Variants in ELP4 observed in about 807,000 individuals in gnomAD.
The protein encoded by ELP4 is elongator complex protein 4.
Under a neutral mutation model 48.9 loss-of-function variants are expected in ELP4, and 51 were observed. The observed-to-expected ratio is 1.04, with a 90% CI of 0.83 to 1.32. The LOEUF is 1.32. Ranked by LOEUF, ELP4 falls within the 40% of genes most tolerant of loss-of-function variation. The pLI is 0.00. For missense variants in ELP4, 519 were observed against 514.6 expected (o/e 1.01, Z -0.08); for synonymous variants, 210 against 189.2 (o/e 1.11, Z -0.90).
At chr11:31,585,952 G>A (rs536970901) in intron 3 of ELP4, among the ~76,000 whole-genome samples, 1 of 152,302 alleles carries the variant, frequency 6.6e-6, no homozygotes, top group African/African-American at 2.4e-5. Context: ...AGGATTGGTG[G>A]CATGTGCCTG....
chr11:31,562,303 T>C (rs1957035883), intron 3 of ELP4, among the ~76,000 whole-genome samples: 2 of 152,362 alleles, frequency 1.3e-5, no homozygotes, highest in Non-Finnish European at 2.9e-5. Flanking sequence ...AGTGTAATCC[T>C]TTCATTTTGA....
chr11:31,647,866 T>TA lies in ELP4; in HGVS notation c.1036+19dup. 6.9e-7 allele frequency: 1 copy of TA among 1,445,188 alleles called. No individual in the cohort carries two copies. Among genetic ancestry groups the TA allele is most frequent in the Non-Finnish European group, 9.7e-7 (1 of 1,027,570 alleles). 89.5% of individuals were successfully genotyped at this position (1,445,188 alleles called of 1,614,324 possible). A position where few individuals can be genotyped will look rare whatever the true frequency, so the allele number is the denominator to read the frequency against. On this transcript the variant is annotated intron_variant, in intron 8 of 9. Coordinates refer to ENST00000640961, the MANE Select transcript of ELP4 (RefSeq NM_019040.5). ...ATTATCATGGTAAGTACAACCTTCA[T>TA]AATGAGAAGAGCAGGAGCAGGCTGC...
intron 9 of ELP4, among the ~76,000 whole-genome samples, chr11:31,756,572 T>A (rs1383530950): frequency 6.6e-6 from 1 of 152,214 alleles, no homozygotes; most frequent in Non-Finnish European, 1.5e-5. Flanking sequence ...TTAAGTGTAC[T>A]TTCAGCTCCT....
At chr11:31,714,358 T>A (rs184625565) in intron 9 of ELP4, among the ~76,000 whole-genome samples, 10 of 152,324 alleles carry the variant, frequency 6.6e-5, no homozygotes, top group South Asian at 2.1e-4. Context: ...AAAAATTTTT[T>A]ATTTCTAACC....
rs181332733 is a variant in ELP4, at chr11:31,690,992, G to A, written c.1143+40771G>A. On this transcript the variant is annotated intron_variant, in intron 9 of 9. Coordinates refer to ENST00000640961, the MANE Select transcript of ELP4 (RefSeq NM_019040.5). The stretch of plus-strand genomic sequence containing the variant: ...TAACATTAAAGAATAGCTGCTTTTG[G>A]CATTTAATATAGCTCAGAGCAAGGC... 2.0e-4 allele frequency among the ~76,000 whole-genome samples: 30 copies of A among 151,818 alleles called. No homozygotes were observed. In the East Asian group the frequency reaches 5.6e-3, roughly 28 times the overall value.
At chr11:31,737,562 AATCTGTAAACCATAT>A (rs1342992684) in intron 9 of ELP4, among the ~76,000 whole-genome samples, 1 of 152,166 alleles carries the variant, frequency 6.6e-6, no homozygotes, top group African/African-American at 2.4e-5. Context: ...AATACTTGCA[AATCTGTAAACCATAT>A]ATCTGTTAAG....
At chr11:31,755,869 A>T (rs142518767) in intron 9 of ELP4, among the ~76,000 whole-genome samples, 1 of 151,938 alleles carries the variant, frequency 6.6e-6, no homozygotes, top group Non-Finnish European at 1.5e-5. Context: ...CCTTTTTCTC[A>T]TGCTTCACAT....
At position 31,770,569 on chromosome 11, in the gene ELP4, A is replaced by G. The variant is rs532260301; in HGVS notation, c.1144-12824A>G. Among the ~76,000 whole-genome samples, 9 of 147,712 alleles carry G rather than the reference A, an allele frequency of 6.1e-5. No homozygotes were observed. In the East Asian group the frequency reaches 1.4e-3, roughly 22 times the overall value. On this transcript the variant is annotated intron_variant, in intron 9 of 9. Coordinates refer to ENST00000640961, the MANE Select transcript of ELP4 (RefSeq NM_019040.5). ...ATTAATGGGAATAAAATTTCCAAAA[A>G]AAAAAAAAAAATAGAAACTAAAAGT...
chr11:31,755,751 A>G (rs1355964436), intron 9 of ELP4, among the ~76,000 whole-genome samples: 2 of 151,312 alleles, frequency 1.3e-5, no homozygotes, highest in East Asian at 3.9e-4. Context: ...AAAAAAAAGA[A>G]TATTAGTGGA....
At chr11:31,600,913 C>A (rs949876165) in intron 4 of ELP4, among the ~76,000 whole-genome samples, 1 of 151,980 alleles carries the variant, frequency 6.6e-6, no homozygotes, top group African/African-American at 2.4e-5. Flanking sequence ...TCCTCCTGTA[C>A]CCCCATCAAA....
intron 2 of ELP4, among the ~76,000 whole-genome samples, chr11:31,535,593 A>C (rs560730875): frequency 6.6e-6 from 1 of 152,168 alleles, no homozygotes; most frequent in Non-Finnish European, 1.5e-5. Context: ...TGACCCTGCC[A>C]TCTTGGCCTC....
At chr11:31,712,133 A>G (rs1179066778) in intron 9 of ELP4, among the ~76,000 whole-genome samples, 2 of 152,024 alleles carry the variant, frequency 1.3e-5, no homozygotes, top group Non-Finnish European at 2.9e-5. Context: ...AGAATATAAC[A>G]TTACAAATTA....
chr11:31,533,324 A>G (rs1956431448), intron 2 of ELP4, among the ~76,000 whole-genome samples: 1 of 144,316 alleles, frequency 6.9e-6, no homozygotes, highest in Non-Finnish European at 1.5e-5. Flanking sequence ...ATTTAGGATA[A>G]TGGCCTCCAG....
chr11:31,679,694 C>T (rs761807301), intron 9 of ELP4, among the ~76,000 whole-genome samples: 1 of 152,178 alleles, frequency 6.6e-6, no homozygotes. Flanking sequence ...TTTGAAGGGA[C>T]ACAATTCAGC....
chr11:31,616,754 G>A (rs751917125), intron 5 of ELP4, among the ~76,000 whole-genome samples: 186 of 152,072 alleles, frequency 1.2e-3, no homozygotes, highest in Non-Finnish European at 8.7e-4. Flanking sequence ...TATAAAATAG[G>A]CAAAGGACTT....
At chr11:31,703,203 G>A (rs1391796473) in intron 9 of ELP4, among the ~76,000 whole-genome samples, 1 of 152,106 alleles carries the variant, frequency 6.6e-6, no homozygotes, top group African/African-American at 2.4e-5. Flanking sequence ...CCTAGGCCTT[G>A]CACCAGTGGC....
chr11:31,519,699 C>T (rs921731004), intron 1 of ELP4, among the ~76,000 whole-genome samples: 2 of 152,044 alleles, frequency 1.3e-5, no homozygotes, highest in African/African-American at 4.8e-5. Flanking sequence ...GTAGTGGGCA[C>T]CTGTAATCCC....
At chr11:31,773,896 T>C (rs1948196111) in intron 9 of ELP4, among the ~76,000 whole-genome samples, 1 of 152,174 alleles carries the variant, frequency 6.6e-6, no homozygotes, top group Non-Finnish European at 1.5e-5. Flanking sequence ...ACTTCAGTCT[T>C]AGGTGGGGCA....
In ELP4 at chr11:31,786,769, A is replaced by G. The variant is rs1948665597; in HGVS notation, c.*3245A>G. ...GTTAGGAGGCATAGCTTTGGGGGAA[A>G]AATATTCTAGAAATTCATTGCAGTA... is the stretch of plus-strand genomic sequence containing the variant. On this transcript the variant is annotated 3_prime_UTR_variant, in exon 10 of 10. Transcript: ENST00000640961. 1 of 222,156 alleles carries G rather than the reference A, an allele frequency of 4.5e-6. No individual in the cohort carries two copies. The highest frequency in any genetic ancestry group is 9.0e-6 in the Non-Finnish European group (1 of 111,102). The allele number at this position is 222,156 out of a possible 1,614,324, so 13.8% of individuals were successfully genotyped here.
Sources: gnomAD v4.1 joint callset for allele counts (sites outside exome capture counted in the v4.1 genomes callset) on GRCh38, gnomAD v4.1.1 for gene constraint, MANE v1.5 for transcripts, NCBI Gene and HGNC (gene_info 2026-07-23, HGNC 2026-07-21) for gene names.